Variants in MTSS1 observed in about 807,000 individuals in gnomAD.
The protein encoded by MTSS1 is protein MTSS 1.
MTSS1 carries 18 observed loss-of-function variants against 79.0 expected under a neutral mutation model. The observed-to-expected ratio is 0.23, with a 90% confidence interval of 0.16 to 0.34. The LOEUF is 0.34. MTSS1 is among the 10% of genes least tolerant of loss of function. The probability of loss-of-function intolerance (pLI) is 1.00; values close to 1 mark genes in which losing one functional copy is unlikely to be tolerated. For missense variants in MTSS1, 815 were observed against 986.2 expected (o/e 0.83, Z 2.33); for synonymous variants, 341 against 368.6 (o/e 0.93, Z 0.86).
chr8:124,571,136 T>A (rs1341346150), intron 6 of MTSS1, among the ~76,000 whole-genome samples: 4 of 152,266 alleles, frequency 2.6e-5, no homozygotes, highest in Non-Finnish European at 5.9e-5. Context: ...TGGTTTCATG[T>A]GTTTTTAGTA....
intron 6 of MTSS1, among the ~76,000 whole-genome samples, chr8:124,571,045 A>AT (rs1455828775): frequency 6.6e-6 from 1 of 152,176 alleles, no homozygotes; most frequent in Non-Finnish European, 1.5e-5. Context: ...CCTCAGAATA[A>AT]TTCTTTACCA....
chr8:124,564,706 C>T (rs924654690), intron 9 of MTSS1: 1 of 152,116 alleles, frequency 6.6e-6, no homozygotes, highest in African/African-American at 2.4e-5. Flanking sequence ...CACACACACA[C>T]ACACACACAC....
At chr8:124,577,660 G>T (rs1159813775) in intron 6 of MTSS1, 2 of 517,332 alleles carry the variant, frequency 3.9e-6, no homozygotes, top group African/African-American at 1.9e-5. Context: ...GACAGAAGGG[G>T]TCTGGCTGTG....
chr8:124,565,914 C>T (rs1231634417), intron 8 of MTSS1, 155 bp from the exon 9 acceptor site: 3 of 557,776 alleles, frequency 5.4e-6, no homozygotes, highest in Non-Finnish European at 9.6e-6. Context: ...ATTGAAGAGC[C>T]ACAGTACCAA....
chr8:124,682,982 A>G (rs1413293368), intron 3 of MTSS1, among the ~76,000 whole-genome samples: 1 of 152,198 alleles, frequency 6.6e-6, no homozygotes, highest in South Asian at 2.1e-4. Flanking sequence ...AAGCTGACAA[A>G]TGGTCATCCC....
At chr8:124,640,782 T>G (rs1031134560) in intron 3 of MTSS1, among the ~76,000 whole-genome samples, 2 of 152,128 alleles carry the variant, frequency 1.3e-5, no homozygotes, top group Admixed American at 6.6e-5. Flanking sequence ...GACCTCGTGA[T>G]CCACCCTCCT....
chr8:124,687,352 T>C (rs2135133201), intron 3 of MTSS1, among the ~76,000 whole-genome samples: 1 of 152,310 alleles, frequency 6.6e-6, no homozygotes, highest in East Asian at 1.9e-4. Context: ...TCATATTTCC[T>C]GCAGTTCCAG....
At chr8:124,569,181 G>T (rs1011821440) in intron 6 of MTSS1, among the ~76,000 whole-genome samples, 13 of 152,132 alleles carry the variant, frequency 8.5e-5, no homozygotes, top group African/African-American at 3.1e-4. Context: ...CTGAAAGTGG[G>T]GTCTATGCGG....
chr8:124,676,449 C>T (rs139656128), intron 3 of MTSS1, among the ~76,000 whole-genome samples: 96 of 152,302 alleles, frequency 6.3e-4, no homozygotes, highest in African/African-American at 1.9e-3. Flanking sequence ...CAAGATCTCA[C>T]GACCATCCAA....
Position 124,670,346 on chromosome 8 carries a change from G to A in MTSS1, c.208+29180C>T, listed in dbSNP as rs192202656. ...GTTGAACAAACAAAAGGGACTAGTGGTGGCAAAGGAGATTACACTCAGGCG... is the reference window on the plus strand; with the variant it reads ...GTTGAACAAACAAAAGGGACTAGTGATGGCAAAGGAGATTACACTCAGGCG... On this transcript the variant is annotated intron_variant, in intron 3 of 13. Coordinates refer to ENST00000518547, the MANE Select transcript of MTSS1 (RefSeq NM_014751.6). Among the ~76,000 whole-genome samples, 7 of 147,988 alleles carry A rather than the reference G, an allele frequency of 4.7e-5. No homozygotes were observed. The East Asian group carries it at 1.4e-3, about 31-fold the overall frequency.
chr8:124,616,632 A>G (rs946365447), intron 3 of MTSS1, among the ~76,000 whole-genome samples: 2 of 152,192 alleles, frequency 1.3e-5, no homozygotes, highest in Non-Finnish European at 2.9e-5. Flanking sequence ...CATAGGAGAG[A>G]AAGGGATCCT....
At chr8:124,623,482 C>G (rs1415395507) in intron 3 of MTSS1, among the ~76,000 whole-genome samples, 1 of 152,218 alleles carries the variant, frequency 6.6e-6, no homozygotes, top group Non-Finnish European at 1.5e-5. Flanking sequence ...GCCCTTCCCC[C>G]AAACAACTCA....
At chr8:124,689,485 C>T (rs1827572530) in intron 3 of MTSS1, among the ~76,000 whole-genome samples, 2 of 151,926 alleles carry the variant, frequency 1.3e-5, no homozygotes, top group African/African-American at 4.8e-5. Context: ...GTGGCTCACA[C>T]CTGTAATCCC....
intron 3 of MTSS1, among the ~76,000 whole-genome samples, chr8:124,636,446 T>C (rs1817013963): frequency 6.6e-6 from 1 of 152,166 alleles, no homozygotes; most frequent in Non-Finnish European, 1.5e-5. Flanking sequence ...TTGGTGGCCT[T>C]TCTCTATTTT....
At chr8:124,724,356 C>A (rs1230932616) in intron 1 of MTSS1, among the ~76,000 whole-genome samples, 2 of 152,150 alleles carry the variant, frequency 1.3e-5, no homozygotes, top group Admixed American at 6.5e-5. Flanking sequence ...TGGGGAGGAA[C>A]TGAACAAGGC....
chr8:124,663,798 G>T (rs1456225471), intron 3 of MTSS1, among the ~76,000 whole-genome samples: 2 of 152,128 alleles, frequency 1.3e-5, no homozygotes, highest in Non-Finnish European at 2.9e-5. Flanking sequence ...GTAAGACGTG[G>T]TCCCATTCCT....
chr8:124,563,265 C>T (rs544064904), intron 9 of MTSS1: 3 of 464,860 alleles, frequency 6.5e-6, no homozygotes, highest in South Asian at 4.4e-5. Flanking sequence ...AACCATGTGG[C>T]ATTCTTACGA....
At chr8:124,704,077 A>G in intron 2 of MTSS1, 53 bp downstream of exon 2, 1 of 1,555,302 alleles carries the variant, frequency 6.4e-7, no homozygotes, top group Non-Finnish European at 8.9e-7. Flanking sequence ...GTCCCACTCC[A>G]TCCTTGTCTG....
intron 4 of MTSS1, among the ~76,000 whole-genome samples, chr8:124,590,421 C>A (rs955224643): frequency 6.6e-6 from 1 of 152,124 alleles, no homozygotes; most frequent in Non-Finnish European, 1.5e-5. Flanking sequence ...GCTGTGCATG[C>A]GGCATGACAG....
Sources: gnomAD v4.1 joint callset for allele counts (sites outside exome capture counted in the v4.1 genomes callset) on GRCh38, gnomAD v4.1.1 for gene constraint, MANE v1.5 for transcripts, NCBI Gene and HGNC (gene_info 2026-07-23, HGNC 2026-07-21) for gene names.